Variants in FYB1 observed in about 807,000 individuals in gnomAD.
FYB1 encodes the protein FYN-binding protein 1.
In FYB1, 41 loss-of-function variants were observed where a neutral mutation model predicts 94.1. That is an observed-to-expected ratio of 0.44 (90% CI 0.34 to 0.57). The LOEUF (loss-of-function observed/expected upper bound fraction) is 0.57, where lower values mean the gene tolerates loss of function less well. Ranked by LOEUF, FYB1 falls within the 20% of genes least tolerant of loss-of-function variation. The pLI is 0.02. For missense variants in FYB1, 1,050 were observed against 976.8 expected (o/e 1.07, Z -1.00); for synonymous variants, 367 against 353.2 (o/e 1.04, Z -0.44).
intron 2 of FYB1, chr5:39,169,126 T>C (rs1350085663): frequency 1.3e-5 from 9 of 689,256 alleles, no homozygotes; most frequent in Non-Finnish European, 2.4e-5. Context: ...GTGCACATTC[T>C]CAGAAATTTT....
rs188539545 is a variant in FYB1, at chr5:39,260,109, G to A, written c.-28+14294C>T. On this transcript the variant is annotated intron_variant, in intron 1 of 1. Transcript: ENST00000510188. The stretch of plus-strand genomic sequence containing the variant: ...TAAAATCATGGAGGATAGGTGATCA[G>A]AGACTAGCTTTAATAGGAGCTTTAG... 2.5e-4 allele frequency among the ~76,000 whole-genome samples: 38 copies of A among 152,346 alleles called. No individual in the cohort carries two copies. In the East Asian group the frequency reaches 6.7e-3, roughly 27 times the overall value.
At chr5:39,205,715 A>C (rs1477474166) in intron 1 of FYB1, among the ~76,000 whole-genome samples, 1 of 152,204 alleles carries the variant, frequency 6.6e-6, no homozygotes, top group East Asian at 1.9e-4. Context: ...CCCAGGAAGC[A>C]GTGCAATGTC....
chr5:39,148,208 T>TATATATATATATATATATATATATA (rs1561175759), intron 3 of FYB1, among the ~76,000 whole-genome samples: 1 of 93,516 alleles, frequency 1.1e-5, no homozygotes, highest in Non-Finnish European at 2.1e-5. Context: ...TATATATATA[T>TATATATATATATATATATATATATA]TTGTAGACGC....
chr5:39,115,127 G>T (rs6896982), intron 16 of FYB1, among the ~76,000 whole-genome samples: 4,808 of 148,258 alleles, frequency 0.032, 252 homozygotes, highest in African/African-American at 0.11. Flanking sequence ...ATGGCGTCTC[G>T]CTCTGTCACC....
At chr5:39,165,651 A>C (rs771218049) in intron 2 of FYB1, among the ~76,000 whole-genome samples, 1 of 152,220 alleles carries the variant, frequency 6.6e-6, no homozygotes, top group Non-Finnish European at 1.5e-5. Flanking sequence ...ATTTAACTAA[A>C]CTAGAAAGCT....
chr5:39,212,266 C>T (rs914566500), intron 1 of FYB1, among the ~76,000 whole-genome samples: 1 of 151,956 alleles, frequency 6.6e-6, no homozygotes, highest in Non-Finnish European at 1.5e-5. Context: ...CATGAATGCA[C>T]CACTGTACTC....
chr5:39,267,092 A>G (rs1398219237), intron 1 of FYB1, among the ~76,000 whole-genome samples: 1 of 152,220 alleles, frequency 6.6e-6, no homozygotes, highest in Non-Finnish European at 1.5e-5. Context: ...AGTTTACTCA[A>G]CTAGAAAACA....
chr5:39,141,230 G>T, intron 3 of FYB1, 89 bp from the exon 4 acceptor site: 4 of 932,990 alleles, frequency 4.3e-6, no homozygotes, highest in South Asian at 1.5e-5. Context: ...TTCATGAATT[G>T]TTCTTTTTTC....
chr5:39,207,953 A>G (rs166331), intron 1 of FYB1, among the ~76,000 whole-genome samples: 132,051 of 152,254 alleles, frequency 0.87, 57,844 homozygotes, highest in Non-Finnish European at 0.93. Context: ...TAGTGCCAAG[A>G]TTGAGAAACC....
At chr5:39,200,069 G>A (rs1158070309) in intron 2 of FYB1, among the ~76,000 whole-genome samples, 1 of 152,148 alleles carries the variant, frequency 6.6e-6, no homozygotes, top group Non-Finnish European at 1.5e-5. Flanking sequence ...TGTTGAGGGG[G>A]TTACACTGAT....
chr5:39,243,867 A>C (rs929569040), intron 1 of FYB1, among the ~76,000 whole-genome samples: 1 of 152,124 alleles, frequency 6.6e-6, no homozygotes, highest in African/African-American at 2.4e-5. Context: ...ATCCCCCGTA[A>C]GTTGGGTTCC....
chr5:39,229,083 G>C (rs1750608894), intron 1 of FYB1, among the ~76,000 whole-genome samples: 1 of 152,150 alleles, frequency 6.6e-6, no homozygotes, highest in Admixed American at 6.6e-5. Context: ...GGTCTGTCCT[G>C]ATTCAATGTC....
chr5:39,214,704 G>C (rs1163099607), intron 1 of FYB1, among the ~76,000 whole-genome samples: 1 of 152,242 alleles, frequency 6.6e-6, no homozygotes, highest in Non-Finnish European at 1.5e-5. Flanking sequence ...AAGGCAGGCA[G>C]ATCACTTGAG....
intron 1 of FYB1, among the ~76,000 whole-genome samples, chr5:39,245,687 C>A (rs1274927864): frequency 1.3e-5 from 2 of 151,986 alleles, no homozygotes; most frequent in Non-Finnish European, 2.9e-5. Flanking sequence ...CAACCTCCAC[C>A]TCCCGGGTTC....
At chr5:39,193,046 C>T (rs1158862973) in intron 2 of FYB1, among the ~76,000 whole-genome samples, 2 of 152,174 alleles carry the variant, frequency 1.3e-5, no homozygotes, top group East Asian at 3.9e-4. Context: ...AGGGCAGACT[C>T]TATCACAGTC....
intron 2 of FYB1, chr5:39,169,951 T>A (rs1281299700): frequency 1.5e-6 from 1 of 647,824 alleles, no homozygotes. Context: ...ATTAAGGAAA[T>A]TAAAGGGCAG....
chr5:39,169,409 A>C, intron 2 of FYB1: 1 of 751,824 alleles, frequency 1.3e-6, no homozygotes, highest in South Asian at 1.3e-5. Flanking sequence ...CTGCCAGATT[A>C]GTTTCTGTGC....
At chr5:39,147,624 T>C (rs1287924079) in intron 3 of FYB1, among the ~76,000 whole-genome samples, 1 of 151,966 alleles carries the variant, frequency 6.6e-6, no homozygotes, top group African/African-American at 2.4e-5. Flanking sequence ...TTGAATGATA[T>C]GATTGCAAGT....
chr5:39,197,484 A>G (rs1001803814), intron 2 of FYB1, among the ~76,000 whole-genome samples: 13 of 152,246 alleles, frequency 8.5e-5, no homozygotes, highest in Admixed American at 6.5e-4. Context: ...GTAGCAGCAC[A>G]CTAAGAAGCA....
Sources: gnomAD v4.1 joint callset for allele counts (sites outside exome capture counted in the v4.1 genomes callset) on GRCh38, gnomAD v4.1.1 for gene constraint, MANE v1.5 for transcripts, NCBI Gene and HGNC (gene_info 2026-07-23, HGNC 2026-07-21) for gene names.